The following GMDS variants were observed in gnomAD, a reference collection of about 807,000 sequenced individuals.
GMDS encodes GDP-mannose 4,6-dehydratase.
In GMDS, 20 loss-of-function variants were observed where a neutral mutation model predicts 49.9. That is an observed-to-expected ratio of 0.40 (90% CI 0.28 to 0.58). GMDS has a LOEUF of 0.58. GMDS is among the 20% of genes least tolerant of loss of function. The probability of loss-of-function intolerance (pLI) is 0.42; values close to 1 mark genes in which losing one functional copy is unlikely to be tolerated. For synonymous variants in GMDS, 177 were observed against 178.6 expected, an observed-to-expected ratio of 0.99 and a Z score of 0.07; for missense variants, 362 against 481.4, an observed-to-expected ratio of 0.75 and a Z score of 2.32.
At chr6:2,097,992 G>A (rs6596870) in intron 4 of GMDS, among the ~76,000 whole-genome samples, 85,686 of 150,040 alleles carry the variant, frequency 0.57, 24,584 homozygotes, top group East Asian at 0.69. Context: ...CTGTTTCAAT[G>A]CTCCCTTATG....
At chr6:1,971,036 T>G (rs1764579419) in intron 4 of GMDS, among the ~76,000 whole-genome samples, 2 of 151,328 alleles carry the variant, frequency 1.3e-5, no homozygotes, top group African/African-American at 2.4e-5. Flanking sequence ...AAGGTGAGGA[T>G]GAGACATTCT....
At chr6:1,960,601 C>T (rs1195835100) in intron 5 of GMDS, among the ~76,000 whole-genome samples, 173 bp downstream of exon 5, 3 of 152,110 alleles carry the variant, frequency 2.0e-5, no homozygotes, top group Non-Finnish European at 4.4e-5. Context: ...TAGTTAGCAA[C>T]GTATAAAGGT....
chr6:2,190,595 T>C (rs962496535), intron 1 of GMDS, among the ~76,000 whole-genome samples: 4 of 152,216 alleles, frequency 2.6e-5, no homozygotes, highest in Admixed American at 2.6e-4. Flanking sequence ...AGAATACTTT[T>C]TTCTGGATTC....
intron 7 of GMDS, among the ~76,000 whole-genome samples, chr6:1,842,091 G>C (rs752587702): frequency 6.6e-6 from 1 of 152,090 alleles, no homozygotes; most frequent in Non-Finnish European, 1.5e-5. Context: ...CCTCTCAAAG[G>C]CTGTGTTCTC....
At chr6:2,091,490 A>G (rs530119443) in intron 4 of GMDS, among the ~76,000 whole-genome samples, 2 of 152,342 alleles carry the variant, frequency 1.3e-5, no homozygotes, top group South Asian at 4.2e-4. Context: ...TCTGAAAAAC[A>G]TAAGTTTAGT....
Position 1,645,370 on chromosome 6 carries a change from C to T in GMDS, c.988-20830G>A, listed in dbSNP as rs74411117. On this transcript the variant is annotated intron_variant, in intron 9 of 10. Coordinates refer to ENST00000380815, the MANE Select transcript of GMDS (RefSeq NM_001500.4). ...TAGCATAGCTTCCTGCACCCATCAG[C>T]GCTAAAATATCCCACGGATGCTGTC... Among the ~76,000 whole-genome samples the T allele has an allele frequency of 6.8e-3, 1,042 of 152,296 alleles. 31 individuals carry two copies. Among genetic ancestry groups the T allele is most frequent in the Admixed American group, 0.049 (751 of 15,302 alleles).
intron 4 of GMDS, among the ~76,000 whole-genome samples, chr6:2,044,584 G>A (rs917680776): frequency 6.6e-6 from 1 of 152,124 alleles, no homozygotes; most frequent in Non-Finnish European, 1.5e-5. Flanking sequence ...TGAGAGGAGG[G>A]AGAAGATCAG....
At chr6:1,858,008 G>A (rs1394159068) in intron 7 of GMDS, among the ~76,000 whole-genome samples, 1 of 152,132 alleles carries the variant, frequency 6.6e-6, no homozygotes, top group East Asian at 1.9e-4. Context: ...ATATATTTAT[G>A]AAGATCAATG....
At chr6:1,819,420 T>C (rs1053832750) in intron 7 of GMDS, among the ~76,000 whole-genome samples, 1 of 152,154 alleles carries the variant, frequency 6.6e-6, no homozygotes, top group Non-Finnish European at 1.5e-5. Flanking sequence ...AAAAGTCACA[T>C]GGAAAAGCTC....
chr6:2,213,000 C>T (rs77142774), intron 1 of GMDS, among the ~76,000 whole-genome samples: 2,614 of 152,280 alleles, frequency 0.017, 85 homozygotes, highest in African/African-American at 0.059. Flanking sequence ...TACTCCCTTT[C>T]TAGGTGGCTT....
intron 7 of GMDS, among the ~76,000 whole-genome samples, chr6:1,925,604 C>A (rs1761957472): frequency 6.6e-6 from 1 of 152,224 alleles, no homozygotes; most frequent in Non-Finnish European, 1.5e-5. Context: ...GGAGAAAATG[C>A]TCTCTGCTCT....
chr6:1,890,092 G>A (rs1759802528), intron 7 of GMDS, among the ~76,000 whole-genome samples: 1 of 152,078 alleles, frequency 6.6e-6, no homozygotes, highest in African/African-American at 2.4e-5. Flanking sequence ...AAGTTTTCAT[G>A]TGGAAGTATG....
At chr6:2,152,805 A>G (rs920918203) in intron 1 of GMDS, among the ~76,000 whole-genome samples, 1 of 152,212 alleles carries the variant, frequency 6.6e-6, no homozygotes, top group Non-Finnish European at 1.5e-5. Context: ...AAAGGATAGA[A>G]TCATTTTAAT....
At chr6:2,119,371 C>T (rs1171871017) in intron 2 of GMDS, among the ~76,000 whole-genome samples, 1 of 152,104 alleles carries the variant, frequency 6.6e-6, no homozygotes, top group Non-Finnish European at 1.5e-5. Context: ...AAATCAAAAG[C>T]ATTAAGCACT....
At chr6:1,707,374 G>A (rs970842592) in intron 9 of GMDS, among the ~76,000 whole-genome samples, 4 of 152,026 alleles carry the variant, frequency 2.6e-5, no homozygotes, top group Admixed American at 6.6e-5. Context: ...AATACTTCTT[G>A]GTCTCACAGA....
chr6:1,666,735 T>G (rs1300052635), intron 9 of GMDS, among the ~76,000 whole-genome samples: 6 of 152,240 alleles, frequency 3.9e-5, no homozygotes, highest in African/African-American at 1.4e-4. Flanking sequence ...TCCTGTAACG[T>G]CTACGGCTGA....
Position 1,624,163 on chromosome 6 carries a change from C to A in GMDS, c.*6G>T. 1 of 1,607,528 alleles carries A rather than the reference C, an allele frequency of 6.2e-7. No individual in the cohort carries two copies. The highest frequency in any genetic ancestry group is 8.5e-7 in the Non-Finnish European group (1 of 1,179,228). On this transcript the variant is annotated 3_prime_UTR_variant, in exon 11 of 11. Coordinates refer to ENST00000380815, the MANE Select transcript of GMDS (RefSeq NM_001500.4). ...CCGGAGGGCGGGCCGGGCTCCGAGG[C>A]GCTGCTCAGGCATTGGGGTTTGTCC...
intron 4 of GMDS, among the ~76,000 whole-genome samples, chr6:1,965,731 G>A (rs1380457493): frequency 6.6e-6 from 1 of 152,174 alleles, no homozygotes; most frequent in Non-Finnish European, 1.5e-5. Flanking sequence ...TACTCAAGAG[G>A]CTGAAGCAGA....
chr6:1,779,163 G>A (rs1768971416), intron 7 of GMDS, among the ~76,000 whole-genome samples: 1 of 152,176 alleles, frequency 6.6e-6, no homozygotes, highest in Admixed American at 6.5e-5. Flanking sequence ...AGCCCTCTCA[G>A]GGTCATGCTG....
Sources: gnomAD v4.1 joint callset for allele counts (sites outside exome capture counted in the v4.1 genomes callset) on GRCh38, gnomAD v4.1.1 for gene constraint, MANE v1.5 for transcripts, NCBI Gene and HGNC (gene_info 2026-07-23, HGNC 2026-07-21) for gene names.